Variants in KIF5A observed in about 807,000 individuals in gnomAD.
The protein encoded by KIF5A is kinesin family member 5A, also known as kinesin heavy chain isoform 5A.
In KIF5A, 35 loss-of-function variants were observed where a neutral mutation model predicts 141.3. That is an observed-to-expected ratio of 0.25 (90% CI 0.19 to 0.33). The LOEUF is 0.33. Among genes scored for constraint, KIF5A ranks in the 10% least tolerant of loss-of-function variants. The pLI, the probability that KIF5A is intolerant of heterozygous loss-of-function variation, is 1.00. For missense variants in KIF5A, 861 were observed against 1,314.3 expected, an observed-to-expected ratio of 0.66 and a Z score of 5.33; for synonymous variants, 448 against 500.2, an observed-to-expected ratio of 0.90 and a Z score of 1.39.
At chr12:57,577,392 C>T (rs189489978) in intron 20 of KIF5A, among the ~76,000 whole-genome samples, 2 of 152,196 alleles carry the variant, frequency 1.3e-5, no homozygotes, top group African/African-American at 4.8e-5. Flanking sequence ...CTCAGTAGTT[C>T]GAGACCAGCC....
intron 9 of KIF5A, 81 bp from the exon 10 acceptor site, chr12:57,569,175 G>A (rs1392336162): frequency 1.8e-5 from 28 of 1,581,632 alleles, no homozygotes; most frequent in African/African-American, 5.4e-5. Flanking sequence ...GTCTGATCCC[G>A]GGGTGGCACC....
intron 11 of KIF5A, 67 bp downstream of exon 11, chr12:57,569,750 T>G (rs1882188008): frequency 6.3e-7 from 1 of 1,594,074 alleles, no homozygotes; most frequent in South Asian, 1.1e-5. Context: ...GAGCCAACTC[T>G]GTTTGGGTGG....
At position 57,584,284 on chromosome 12, in the gene KIF5A, T is replaced by G. The variant is rs953588000; in HGVS notation, c.*103T>G. ...CCTGTGGTCTCTGATACTAACTCCC[T>G]CCCCAACCCCTGTTGTTGGACTGTA... On this transcript the variant is annotated 3_prime_UTR_variant, in exon 29 of 29. Transcript: ENST00000455537. The G allele has an allele frequency of 1.3e-5, 2 of 152,590 alleles. No homozygotes were observed. Among genetic ancestry groups the G allele is most frequent in the African/African-American group, 2.4e-5 (1 of 41,398 alleles). The allele number at this position is 152,590 out of a possible 1,614,324, so 9.5% of individuals were successfully genotyped here.
rs1247952950 is a variant in KIF5A, at chr12:57,564,115, T to C, written c.299T>C (p.Leu100Pro). The change falls in exon 4 of 29, where the codon CTG (leucine) becomes CCG (proline). Residue 100 changes from leucine (L) to proline (P), a missense_variant. By Grantham distance (98) the Leu-to-Pro change is moderately conservative (BLOSUM62 -3). Around this residue, in one of 5 missense-constraint regions of KIF5A, gnomAD observed 146 missense variants for 353.4 expected, o/e 0.41. Coordinates refer to ENST00000455537, the MANE Select transcript of KIF5A (RefSeq NM_004984.4). ...SGKTHTMEGK[L>P]HDPQLMGIIP... ...AATACCTTCACTCGCCAGGGAAAGC[T>C]GCACGACCCTCAGCTGATGGGAATC... The C allele has an allele frequency of 6.2e-7, 1 of 1,613,648 alleles. No individual in the cohort carries two copies. Among genetic ancestry groups the C allele is most frequent in the Non-Finnish European group, 8.5e-7 (1 of 1,179,578 alleles).
intron 24 of KIF5A, 121 bp from the exon 25 acceptor site, chr12:57,581,294 A>C (rs562200217): frequency 9.8e-6 from 15 of 1,527,234 alleles, no homozygotes; most frequent in African/African-American, 1.4e-5. Flanking sequence ...ACTTCCCCCC[A>C]AAAAGTAAAA....
chr12:57,581,318 A>G, intron 24 of KIF5A, 97 bp from the exon 25 acceptor site: 1 of 1,564,964 alleles, frequency 6.4e-7, no homozygotes, highest in South Asian at 1.1e-5. Context: ...TGATTATGTT[A>G]CAAGCAACTC....
At chr12:57,580,384 T>C (rs1463748607) in intron 23 of KIF5A, among the ~76,000 whole-genome samples, 3 of 152,202 alleles carry the variant, frequency 2.0e-5, no homozygotes, top group African/African-American at 7.2e-5. Context: ...TTTTCTTTCC[T>C]TCCTACGGGG....
chr12:57,567,537 C>A lies in KIF5A; in HGVS notation c.633C>A (p.Ile211=), dbSNP rs1430288348. The A allele has an allele frequency of 6.2e-7, 1 of 1,612,896 alleles. No individual in the cohort carries two copies. The highest frequency in any genetic ancestry group is 1.1e-5 in the South Asian group (1 of 91,030). The change falls in exon 8 of 29, where the codon ATC becomes ATA. Residue 211 remains isoleucine, a synonymous_variant. Transcript: ENST00000455537. The part of the protein sequence containing the change: ...HSSRSHSIFL[I]NIKQENMETE... ...CTCGGAGCCACAGCATCTTCCTCATCAACATCAAGCAGGAGAACATGGAAA... is the reference window on the plus strand; with the variant it reads ...CTCGGAGCCACAGCATCTTCCTCATAAACATCAAGCAGGAGAACATGGAAA...
chr12:57,569,909 C>A, intron 11 of KIF5A, 78 bp from the exon 12 acceptor site: 1 of 1,519,192 alleles, frequency 6.6e-7, no homozygotes, highest in Non-Finnish European at 8.9e-7. Flanking sequence ...GTTCAAGGGG[C>A]ATGGTGAGTG....
intron 6 of KIF5A, among the ~76,000 whole-genome samples, chr12:57,566,915 C>T (rs912110686): frequency 6.6e-6 from 1 of 151,910 alleles, no homozygotes; most frequent in Non-Finnish European, 1.5e-5. Context: ...TGGCTCATGC[C>T]TGTAATCCCA....
At chr12:57,551,932 G>T (rs1881588164) in intron 1 of KIF5A, among the ~76,000 whole-genome samples, 1 of 151,936 alleles carries the variant, frequency 6.6e-6, no homozygotes, top group Admixed American at 6.6e-5. Flanking sequence ...CACATGGAGA[G>T]GGCCTCTGTT....
intron 5 of KIF5A, among the ~76,000 whole-genome samples, chr12:57,564,717 A>G (rs530942971): frequency 6.9e-4 from 105 of 152,314 alleles, no homozygotes; most frequent in East Asian, 1.9e-4. Context: ...ACAGTTCGAG[A>G]GGATCTGGGG....
rs35104895 is a variant in KIF5A at position 57,583,299 on chromosome 12, C to CT, written c.*36+95dup. The CT allele has an allele frequency of 0.26, 159,655 of 621,292 alleles. 5,518 individuals are homozygous for CT. Among genetic ancestry groups the CT allele is most frequent in the Non-Finnish European group, 0.27 (98,603 of 361,800 alleles). 38.5% of individuals were successfully genotyped at this position (621,292 alleles called of 1,614,324 possible). On this transcript the variant is annotated intron_variant, in intron 28 of 28. Transcript: ENST00000455537. ...CTCTTTGGTTTTCCTGCTGCTGCTTCTTTTTTTTTTTATCACCTCAAAACT... is the reference window on the plus strand; with the variant it reads ...CTCTTTGGTTTTCCTGCTGCTGCTTCTTTTTTTTTTTTATCACCTCAAAACT...
intron 20 of KIF5A, 142 bp from the exon 21 acceptor site, chr12:57,577,571 G>T (rs1323931111): frequency 1.4e-6 from 1 of 737,330 alleles, no homozygotes; most frequent in African/African-American, 1.7e-5. Flanking sequence ...ACTCTATCTA[G>T]CCTAGGTAAC....
At position 57,550,221 on chromosome 12, in the gene KIF5A, A is replaced by T. The variant is rs759429817; in HGVS notation, c.-51A>T. 9.3e-6 allele frequency: 15 copies of T among 1,612,212 alleles called. 1 individual carries two copies. The Middle Eastern group carries it at 2.4e-3, about 261-fold the overall frequency. On this transcript the variant is annotated 5_prime_UTR_variant, in exon 1 of 29. Transcript: ENST00000455537. This position sits in a 1 kb window ranked among gnomAD's most constrained non-coding sequence, Gnocchi z 4.6. ...CTGAGAGCCCTCTCCTCTGGAGCAC[A>T]CACCACCCCTGCAGCCCAAGAAGAG...
At chr12:57,557,890 T>A (rs1456312410) in intron 1 of KIF5A, among the ~76,000 whole-genome samples, 1 of 152,108 alleles carries the variant, frequency 6.6e-6, no homozygotes, top group Non-Finnish European at 1.5e-5. Context: ...CTTTCGAATG[T>A]CTTACCTGCA....
At position 57,569,247 on chromosome 12, in the gene KIF5A, C is replaced by T. The variant is rs185306438; in HGVS notation, c.820-9C>T. 1.9e-6 allele frequency: 3 copies of T among 1,613,764 alleles called. No individual in the cohort carries two copies. The highest frequency in any genetic ancestry group is 1.1e-5 in the South Asian group (1 of 91,068). On this transcript the variant is annotated splice_polypyrimidine_tract_variant and intron_variant, in intron 9 of 28. Transcript: ENST00000455537. ...TTATTTCTGATTCCTGGTCTCCTTC[C>T]TCCCCCAGAAAAGCTATGTTCCATA... is the stretch of plus-strand genomic sequence containing the variant.
intron 1 of KIF5A, among the ~76,000 whole-genome samples, chr12:57,553,395 CT>C (rs1380196446): frequency 6.6e-6 from 1 of 152,126 alleles, no homozygotes; most frequent in Admixed American, 6.6e-5. Context: ...AGGTTGGGAC[CT>C]GCAGGGTTAT....
intron 6 of KIF5A, among the ~76,000 whole-genome samples, chr12:57,565,322 G>A (rs1471347501): frequency 1.3e-5 from 2 of 152,162 alleles, no homozygotes; most frequent in African/African-American, 4.8e-5. Flanking sequence ...TTGGGACACT[G>A]AAGCAGGAGA....
Sources: allele counts gnomAD v4.1 joint callset (sites outside exome capture counted in the v4.1 genomes callset), GRCh38; gene constraint gnomAD v4.1.1; regional missense constraint gnomAD v4.1.1; non-coding constraint Gnocchi (gnomAD v3.1); transcripts MANE v1.5; gene names NCBI Gene and HGNC (gene_info 2026-07-23, HGNC 2026-07-21).